CDH1: variants seen among roughly 807,000 people sequenced by gnomAD.
CDH1 encodes cadherin 1.
CDH1 carries 35 observed loss-of-function variants against 84.5 expected under a neutral mutation model. The ratio of observed to expected loss-of-function variants is 0.41; its 90% CI spans 0.32 to 0.55. CDH1 has a LOEUF of 0.55. Among genes scored for constraint, CDH1 ranks in the 20% least tolerant of loss-of-function variants. The probability of loss-of-function intolerance (pLI) is 0.19; values close to 1 mark genes in which losing one functional copy is unlikely to be tolerated. For missense variants in CDH1, 994 were observed against 1,126.6 expected (o/e 0.88, Z 1.68); for synonymous variants, 417 against 439.0 (o/e 0.95, Z 0.63).
At chr16:68,745,549 AAT>A (rs1555510456) in intron 2 of CDH1, among the ~76,000 whole-genome samples, 8 of 75,190 alleles carry the variant, frequency 1.1e-4, no homozygotes, top group East Asian at 4.0e-4. Flanking sequence ...AAAAAAAAAA[AAT>A]ATATATATAT....
chr16:68,784,302 C>A (rs181037515), intron 2 of CDH1, among the ~76,000 whole-genome samples: 125 of 152,266 alleles, frequency 8.2e-4, no homozygotes, highest in African/African-American at 2.6e-3. Flanking sequence ...CGCCTCTGTG[C>A]ATTACAGATG....
intron 2 of CDH1, among the ~76,000 whole-genome samples, chr16:68,795,938 C>T (rs942993841): frequency 3.3e-5 from 5 of 151,662 alleles, no homozygotes; most frequent in African/African-American, 4.8e-5. Flanking sequence ...CCAAGGCAGG[C>T]GGATCACAAG....
intron 2 of CDH1, 76 bp downstream of exon 2, chr16:68,738,487 C>A (rs1371604036): frequency 5.0e-6 from 5 of 997,898 alleles, no homozygotes; most frequent in East Asian, 2.7e-5. Flanking sequence ...CACTCCCACA[C>A]CCCTGGGTTG....
chr16:68,761,638 G>A (rs535330151), intron 2 of CDH1, among the ~76,000 whole-genome samples: 9 of 152,284 alleles, frequency 5.9e-5, no homozygotes, highest in South Asian at 4.1e-4. Context: ...AAGATGAATC[G>A]GAATGGAGCA....
chr16:68,818,804 C>T (rs1375551764), intron 10 of CDH1, among the ~76,000 whole-genome samples: 1 of 143,178 alleles, frequency 7.0e-6, no homozygotes, highest in Non-Finnish European at 1.5e-5. Flanking sequence ...GAGCCGACAT[C>T]GCGCCACTGC....
intron 3 of CDH1, among the ~76,000 whole-genome samples, chr16:68,805,742 G>A (rs570503454): frequency 6.6e-6 from 1 of 151,886 alleles, no homozygotes; most frequent in Non-Finnish European, 1.5e-5. Flanking sequence ...TTACAGGTGT[G>A]CACCACCACA....
At chr16:68,793,683 GGAGTTTAGGACCAGCCTGACCAA>G (rs2152124084) in intron 2 of CDH1, among the ~76,000 whole-genome samples, 1 of 152,322 alleles carries the variant, frequency 6.6e-6, no homozygotes, top group South Asian at 2.1e-4. Context: ...CCTGAGGCCA[GGAGTTTAGGACCAGCCTGACCAA>G]GAGGTGAAAC....
At chr16:68,812,323 A>AG in intron 8 of CDH1, 60 bp downstream of exon 8, 1 of 1,569,030 alleles carries the variant, frequency 6.4e-7, no homozygotes, top group Non-Finnish European at 8.8e-7. Flanking sequence ...TCATGAACTA[A>AG]GTGTCACCAC....
In CDH1 at chr16:68,742,865, A is replaced by G. The variant is rs548322893; in HGVS notation, c.163+4454A>G. Among the ~76,000 whole-genome samples the G allele has an allele frequency of 3.3e-5, 5 of 152,248 alleles. No homozygotes were observed. The South Asian group carries it at 1.0e-3, about 32-fold the overall frequency. On this transcript the variant is annotated intron_variant, in intron 2 of 15. Coordinates refer to ENST00000261769, the MANE Select transcript of CDH1 (RefSeq NM_004360.5). ...ATCAGATCCCCACCCCCTACCCCTC[A>G]AACTCATAAAAGTCACTTCCCCAAT...
rs886052238 is a variant in CDH1 at position 68,833,692 on chromosome 16, G to A, written c.*193G>A. 4 of 596,120 alleles carry A rather than the reference G, an allele frequency of 6.7e-6. No homozygotes were observed. The highest frequency in any genetic ancestry group is 5.9e-5 in the Admixed American group (2 of 33,622). 36.9% of individuals were successfully genotyped at this position (596,120 alleles called of 1,614,324 possible). A position where few individuals can be genotyped will look rare whatever the true frequency, so the allele number is the denominator to read the frequency against. On this transcript the variant is annotated 3_prime_UTR_variant, in exon 16 of 16. Transcript: ENST00000261769. ...AATAAGTTTGTGTTAGAAAAGTTTC[G>A]ACTTATTTCTTAAAGCTTTTTTTTT... is the stretch of plus-strand genomic sequence containing the variant.
At chr16:68,801,378 A>G (rs1960493623) in intron 2 of CDH1, among the ~76,000 whole-genome samples, 4 of 152,152 alleles carry the variant, frequency 2.6e-5, no homozygotes, top group Admixed American at 2.6e-4. Context: ...GGCCTCCCAA[A>G]ATGCTGGGGT....
chr16:68,820,846 G>T (rs915838626), intron 11 of CDH1, among the ~76,000 whole-genome samples: 1 of 152,020 alleles, frequency 6.6e-6, no homozygotes, highest in African/African-American at 2.4e-5. Flanking sequence ...GTGGGAGATG[G>T]CTTGAGGCCA....
intron 2 of CDH1, among the ~76,000 whole-genome samples, chr16:68,780,593 TG>T (rs1959848964): frequency 6.6e-6 from 1 of 152,190 alleles, no homozygotes; most frequent in African/African-American, 2.4e-5. Flanking sequence ...GCCCAGCACC[TG>T]TTCTATTGTT....
intron 6 of CDH1, among the ~76,000 whole-genome samples, chr16:68,811,416 A>G (rs1040355660): frequency 6.0e-5 from 9 of 149,464 alleles, no homozygotes; most frequent in African/African-American, 1.8e-4. Context: ...AAAAAAAAAA[A>G]AGATAACCAC....
chr16:68,814,996 C>T (rs1208278749), intron 9 of CDH1, among the ~76,000 whole-genome samples: 4 of 151,008 alleles, frequency 2.6e-5, no homozygotes, highest in African/African-American at 4.9e-5. Context: ...GAGGCCAAGG[C>T]GGGTGGATCA....
At chr16:68,814,818 G>A (rs1354799756) in intron 9 of CDH1, among the ~76,000 whole-genome samples, 2 of 151,898 alleles carry the variant, frequency 1.3e-5, no homozygotes, top group African/African-American at 4.8e-5. Context: ...TACTTGGGAG[G>A]CTGAGGTGGG....
chr16:68,823,451 C>T lies in CDH1; in HGVS notation c.1989C>T (p.Tyr663=). 1 of 1,614,012 alleles carries T rather than the reference C, an allele frequency of 6.2e-7. No homozygotes were observed. The highest frequency in any genetic ancestry group is 8.5e-7 in the Non-Finnish European group (1 of 1,179,972). The change falls in exon 13 of 16, where the codon TAC becomes TAT. Residue 663 remains tyrosine (Y), a synonymous_variant. Transcript: ENST00000261769. ...AGATGGCCTTAGAGGTGGGTGACTA[C>T]AAAATCAATCTCAAGCTCATGGATA... ...KPKMALEVGD[Y]KINLKLMDNQ...
chr16:68,800,033 TAAAA>T (rs34387170), intron 2 of CDH1, among the ~76,000 whole-genome samples: 1 of 129,420 alleles, frequency 7.7e-6, no homozygotes, highest in Admixed American at 7.8e-5. Context: ...TAATAATAAT[TAAAA>T]AAAAAAAAAA....
intron 13 of CDH1, among the ~76,000 whole-genome samples, chr16:68,825,719 A>C (rs779382363): frequency 1.4e-4 from 21 of 150,876 alleles, no homozygotes; most frequent in Non-Finnish European, 2.5e-4. Context: ...CTGCCTGCCC[A>C]CTTCCTAGTC....
Sources: allele counts gnomAD v4.1 joint callset (sites outside exome capture counted in the v4.1 genomes callset), GRCh38; gene constraint gnomAD v4.1.1; transcripts MANE v1.5; gene names NCBI Gene and HGNC (gene_info 2026-07-23, HGNC 2026-07-21).